The following CSMD3 variants were observed in gnomAD, a reference collection of about 807,000 sequenced individuals.
CSMD3 encodes the protein CUB and Sushi multiple domains 3.
CSMD3 carries 177 observed loss-of-function variants against 435.2 expected under a neutral mutation model. The observed-to-expected ratio is 0.41, with a 90% confidence interval of 0.36 to 0.46. The LOEUF (loss-of-function observed/expected upper bound fraction) is 0.46, where lower values mean the gene tolerates loss of function less well. Among genes scored for constraint, CSMD3 ranks in the 20% least tolerant of loss-of-function variants. The pLI, the probability that CSMD3 is intolerant of heterozygous loss-of-function variation, is 0.34. For missense variants in CSMD3, 4,265 were observed against 4,504.6 expected (o/e 0.95, Z 1.52); for synonymous variants, 1,656 against 1,520.5 (o/e 1.09, Z -2.07).
Position 112,380,472 on chromosome 8 carries a change from A to G in CSMD3, c.6032-16T>C, listed in dbSNP as rs1829371180. ...ATTGTTGTTCCTGAAATGATATATG[A>G]GAAGGCAAGACAATGACCACATAAT... On this transcript the variant is annotated splice_polypyrimidine_tract_variant and intron_variant, in intron 37 of 70. Transcript: ENST00000297405. 1 of 1,284,396 alleles carries G rather than the reference A, an allele frequency of 7.8e-7. No homozygotes were observed. Among genetic ancestry groups the G allele is most frequent in the African/African-American group, 1.5e-5 (1 of 68,298 alleles). 79.6% of individuals were successfully genotyped at this position (1,284,396 alleles called of 1,614,324 possible).
rs1218177464 is a variant in CSMD3, at chr8:112,506,828, T to A, written c.4758A>T (p.Ala1586=). 3 of 1,611,934 alleles carry A rather than the reference T, an allele frequency of 1.9e-6. No individual in the cohort carries two copies. Residue 1586 remains alanine (A), a splice_region_variant and synonymous_variant, in exon 29 of 71, where the codon GCA becomes GCT. Coordinates refer to ENST00000297405, the MANE Select transcript of CSMD3 (RefSeq NM_198123.2). The stretch of plus-strand genomic sequence containing the variant: ...ATCCTGTTAAATTGCCTCCACAGGG[T>A]GCTTTAATTTAAACAAACAAATAAA... ...FWQPSPPVCI[A]PCGGNLTGSS...
intron 10 of CSMD3, among the ~76,000 whole-genome samples, chr8:112,883,940 G>T (rs1259110545): frequency 1.3e-5 from 2 of 151,848 alleles, no homozygotes; most frequent in Non-Finnish European, 2.9e-5. Flanking sequence ...AATGTTTGGG[G>T]CCAGACACTA....
At chr8:113,290,294 A>C (rs2093677227) in intron 2 of CSMD3, among the ~76,000 whole-genome samples, 1 of 151,698 alleles carries the variant, frequency 6.6e-6, no homozygotes, top group Non-Finnish European at 1.5e-5. Flanking sequence ...GTGATGATTA[A>C]AGATGTTTTG....
At chr8:112,456,350 G>A (rs1418259985) in intron 32 of CSMD3, among the ~76,000 whole-genome samples, 3 of 152,064 alleles carry the variant, frequency 2.0e-5, no homozygotes, top group Non-Finnish European at 4.4e-5. Context: ...GCAATCACCA[G>A]ACAGAGGAAA....
chr8:112,990,570 T>C (rs1428154746), intron 6 of CSMD3, among the ~76,000 whole-genome samples: 2 of 151,664 alleles, frequency 1.3e-5, no homozygotes, highest in Non-Finnish European at 2.9e-5. Flanking sequence ...GAATAGGAAA[T>C]GCCAAGGTGA....
chr8:113,262,921 G>C (rs2093438695), intron 3 of CSMD3, among the ~76,000 whole-genome samples: 2 of 152,016 alleles, frequency 1.3e-5, no homozygotes, highest in Non-Finnish European at 2.9e-5. Context: ...CTACAAGACT[G>C]TAAACTTCTG....
chr8:113,199,302 T>C (rs6992044), intron 3 of CSMD3, among the ~76,000 whole-genome samples: 287 of 151,714 alleles, frequency 1.9e-3, no homozygotes, highest in African/African-American at 6.1e-3. Context: ...TTCAATTTCT[T>C]AAGCAAAAAT....
chr8:112,860,873 G>A (rs1367628507), intron 10 of CSMD3, among the ~76,000 whole-genome samples: 1 of 130,942 alleles, frequency 7.6e-6, no homozygotes, highest in African/African-American at 2.9e-5. Flanking sequence ...TTGTTCAATG[G>A]TTTCTCTGAA....
intron 1 of CSMD3, among the ~76,000 whole-genome samples, chr8:113,414,651 C>CAAAAA (rs780988317): frequency 8.3e-4 from 71 of 85,030 alleles, no homozygotes; most frequent in South Asian, 2.1e-3. Flanking sequence ...TGCCCAAATA[C>CAAAAA]AAAAAAAAAA....
intron 31 of CSMD3, among the ~76,000 whole-genome samples, chr8:112,488,265 G>A (rs568236414): frequency 6.6e-6 from 1 of 152,146 alleles, no homozygotes; most frequent in South Asian, 2.1e-4. Flanking sequence ...GATTTGGTTC[G>A]GTTTGAGTTT....
At chr8:113,077,997 C>T (rs1178386974) in intron 5 of CSMD3, among the ~76,000 whole-genome samples, 1 of 152,100 alleles carries the variant, frequency 6.6e-6, no homozygotes, top group Non-Finnish European at 1.5e-5. Context: ...CATTTCTTTA[C>T]TTATCAATAA....
At chr8:112,574,694 G>A (rs896861133) in intron 23 of CSMD3, among the ~76,000 whole-genome samples, 1 of 151,830 alleles carries the variant, frequency 6.6e-6, no homozygotes, top group African/African-American at 2.4e-5. Context: ...TAATATTTTA[G>A]GTATCACAAT....
Position 113,168,469 on chromosome 8 carries a change from C to T in CSMD3, c.709+5253G>A, listed in dbSNP as rs111877699. ...CTGGGAGGCAGAGGTTGCAGTAAGC[C>T]GGGATCGTGCCACTGCACTCCAGCC... is the stretch of plus-strand genomic sequence containing the variant. On this transcript the variant is annotated intron_variant, in intron 4 of 70. Transcript: ENST00000297405. Among the ~76,000 whole-genome samples, 863 of 121,372 alleles carry T rather than the reference C, an allele frequency of 7.1e-3. 6 individuals carry two copies. The highest frequency in any genetic ancestry group is 0.025 in the African/African-American group (777 of 31,516). 79.6% of individuals were successfully genotyped at this position (121,372 alleles called of 152,430 possible).
At chr8:113,195,842 C>T (rs1212052608) in intron 3 of CSMD3, among the ~76,000 whole-genome samples, 1 of 141,912 alleles carries the variant, frequency 7.0e-6, no homozygotes, top group Non-Finnish European at 1.6e-5. Context: ...CACACACACC[C>T]CCACACACAC....
intron 13 of CSMD3, among the ~76,000 whole-genome samples, chr8:112,746,942 A>C (rs1056083660): frequency 6.6e-6 from 1 of 152,110 alleles, no homozygotes; most frequent in Non-Finnish European, 1.5e-5. Context: ...AAATTCATGT[A>C]GACATTCTAC....
chr8:112,278,902 A>G (rs2130554962), intron 59 of CSMD3, among the ~76,000 whole-genome samples: 1 of 152,172 alleles, frequency 6.6e-6, no homozygotes, highest in East Asian at 1.9e-4. Flanking sequence ...GAGACCCCCA[A>G]CATTTAAAAT....
chr8:112,828,997 T>A (rs1425639042), intron 12 of CSMD3, among the ~76,000 whole-genome samples: 5 of 146,338 alleles, frequency 3.4e-5, no homozygotes, highest in African/African-American at 1.3e-4. Context: ...GGCCTTCTTG[T>A]AAAATTAAAA....
intron 28 of CSMD3, among the ~76,000 whole-genome samples, chr8:112,507,680 C>T (rs1486333124): frequency 6.6e-6 from 1 of 152,026 alleles, no homozygotes; most frequent in Non-Finnish European, 1.5e-5. Context: ...ATTTTTTTGT[C>T]CTATAAAACT....
intron 9 of CSMD3, among the ~76,000 whole-genome samples, chr8:112,929,376 ATAAAAAAAAAAT>A (rs2083026216): frequency 4.5e-5 from 3 of 67,396 alleles, no homozygotes; most frequent in Non-Finnish European, 9.6e-5. Flanking sequence ...TTAAAGCATA[ATAAAAAAAAAAT>A]TAAAAAAAAA....
Sources: allele counts gnomAD v4.1 joint callset (sites outside exome capture counted in the v4.1 genomes callset), GRCh38; gene constraint gnomAD v4.1.1; transcripts MANE v1.5; gene names NCBI Gene and HGNC (gene_info 2026-07-23, HGNC 2026-07-21).